The following FSTL5 variants were observed in gnomAD, a reference collection of about 807,000 sequenced individuals.
The protein encoded by FSTL5 is follistatin-related protein 5.
FSTL5 carries 62 observed loss-of-function variants against 89.1 expected under a neutral mutation model. The observed-to-expected ratio is 0.70, with a 90% CI of 0.57 to 0.86. The LOEUF is 0.86. Ranked by LOEUF, FSTL5 falls within the 40% of genes least tolerant of loss-of-function variation. The pLI, the probability that FSTL5 is intolerant of heterozygous loss-of-function variation, is 0.00. For missense variants in FSTL5, 1,057 were observed against 1,001.6 expected (o/e 1.06, Z -0.75); for synonymous variants, 383 against 346.2 (o/e 1.11, Z -1.18).
At chr4:161,669,103 C>T (rs1490554513) in intron 6 of FSTL5, among the ~76,000 whole-genome samples, 2 of 114,672 alleles carry the variant, frequency 1.7e-5, no homozygotes, top group African/African-American at 6.5e-5. Context: ...CAGAGTGAGA[C>T]TCTGTCTCAA....
intron 7 of FSTL5, among the ~76,000 whole-genome samples, chr4:161,614,710 T>C (rs1734777569): frequency 6.6e-6 from 1 of 152,206 alleles, no homozygotes; most frequent in South Asian, 2.1e-4. Flanking sequence ...ATATTCCAAC[T>C]ATCTATGCTG....
intron 6 of FSTL5, among the ~76,000 whole-genome samples, chr4:161,694,354 G>T (rs1304280128): frequency 1.3e-5 from 2 of 152,012 alleles, no homozygotes; most frequent in African/African-American, 4.8e-5. Flanking sequence ...GTTTCCCAGT[G>T]AATGTTGTAT....
At chr4:161,907,051 C>T (rs1038777804) in intron 4 of FSTL5, among the ~76,000 whole-genome samples, 2 of 152,064 alleles carry the variant, frequency 1.3e-5, no homozygotes, top group African/African-American at 4.8e-5. Flanking sequence ...TAAATGTTTC[C>T]ACTTGTTAAA....
intron 4 of FSTL5, among the ~76,000 whole-genome samples, chr4:161,790,292 G>A (rs1237578274): frequency 2.0e-5 from 3 of 152,164 alleles, no homozygotes; most frequent in Admixed American, 6.5e-5. Context: ...AATTAAGAAA[G>A]GTGTCCACCT....
intron 7 of FSTL5, among the ~76,000 whole-genome samples, chr4:161,625,258 G>T (rs192044493): frequency 6.6e-6 from 1 of 151,966 alleles, no homozygotes; most frequent in Non-Finnish European, 1.5e-5. Flanking sequence ...TTTTACAAAC[G>T]AAAAGGTTCT....
At chr4:161,791,964 G>A (rs909297088) in intron 4 of FSTL5, among the ~76,000 whole-genome samples, 1 of 152,180 alleles carries the variant, frequency 6.6e-6, no homozygotes, top group Non-Finnish European at 1.5e-5. Flanking sequence ...AGGAACCAGG[G>A]CCCTTCCAAG....
chr4:162,006,766 T>C (rs1306885206), intron 3 of FSTL5, among the ~76,000 whole-genome samples: 1 of 151,984 alleles, frequency 6.6e-6, no homozygotes, highest in Non-Finnish European at 1.5e-5. Context: ...AAATGGACTC[T>C]ATTCAACATC....
intron 7 of FSTL5, among the ~76,000 whole-genome samples, chr4:161,588,634 T>C (rs1733701641): frequency 6.6e-6 from 1 of 152,128 alleles, no homozygotes; most frequent in African/African-American, 2.4e-5. Context: ...TTTTCAGAAT[T>C]CTGGAAATAG....
At chr4:161,866,184 C>T (rs1190744349) in intron 4 of FSTL5, among the ~76,000 whole-genome samples, 2 of 152,142 alleles carry the variant, frequency 1.3e-5, no homozygotes. Flanking sequence ...ATACAATATT[C>T]CCCAAGATTT....
At chr4:161,982,129 T>A (rs1451928939) in intron 3 of FSTL5, among the ~76,000 whole-genome samples, 1 of 152,194 alleles carries the variant, frequency 6.6e-6, no homozygotes, top group Non-Finnish European at 1.5e-5. Flanking sequence ...AGGGTTAGGC[T>A]ATGATTTTCA....
intron 2 of FSTL5, among the ~76,000 whole-genome samples, chr4:162,090,542 C>T (rs1012982573): frequency 2.0e-5 from 3 of 151,998 alleles, no homozygotes; most frequent in South Asian, 2.1e-4. Context: ...CAATCAAGGC[C>T]GGGTGCGGTG....
In FSTL5 at chr4:161,787,925, C is replaced by A. The variant is rs551159793; in HGVS notation, c.410-11851G>T. On this transcript the variant is annotated intron_variant, in intron 4 of 15. Coordinates refer to ENST00000306100, the MANE Select transcript of FSTL5 (RefSeq NM_020116.5). ...TTTTCTCAAGTCACTTTTGTTGCAA[C>A]TGAAAAGCATACAACTTATGAATAT... Among the ~76,000 whole-genome samples the A allele has an allele frequency of 3.3e-5, 5 of 152,156 alleles. No homozygotes were observed. The East Asian group carries it at 9.6e-4, about 29-fold the overall frequency.
intron 10 of FSTL5, among the ~76,000 whole-genome samples, chr4:161,515,704 T>G (rs2126507754): frequency 6.6e-6 from 1 of 152,108 alleles, no homozygotes; most frequent in East Asian, 1.9e-4. Flanking sequence ...AAAAGTATTA[T>G]GATTTACTTT....
At chr4:161,480,990 T>C (rs1205173425) in intron 13 of FSTL5, 30 bp downstream of exon 13, 1 of 1,491,440 alleles carries the variant, frequency 6.7e-7, no homozygotes, top group East Asian at 2.3e-5. Context: ...TTTAAAGATT[T>C]ACTTTTTAAA....
At chr4:161,971,606 TA>T (rs1208019761) in intron 3 of FSTL5, among the ~76,000 whole-genome samples, 1 of 152,104 alleles carries the variant, frequency 6.6e-6, no homozygotes, top group Non-Finnish European at 1.5e-5. Context: ...CATTCCTGGG[TA>T]AAATATTTAA....
intron 15 of FSTL5, among the ~76,000 whole-genome samples, chr4:161,404,706 TA>T (rs1014393874): frequency 8.6e-4 from 124 of 143,678 alleles, no homozygotes; most frequent in South Asian, 1.1e-3. Context: ...AAAAGTGACT[TA>T]AAAAAAAAAA....
chr4:162,149,654 CA>C (rs1004450498), intron 1 of FSTL5, among the ~76,000 whole-genome samples: 1 of 150,786 alleles, frequency 6.6e-6, no homozygotes, highest in Non-Finnish European at 1.5e-5. Context: ...CCCTGTCTCT[CA>C]AAAAATAAAA....
chr4:161,538,363 GA>G lies in FSTL5; in HGVS notation c.1178-64del, dbSNP rs1194603336. The G allele has an allele frequency of 3.9e-6, 6 of 1,555,716 alleles. No individual in the cohort carries two copies. The Admixed American group carries it at 6.7e-5, about 17-fold the overall frequency. ...TTTCAGTTTTGGAACAGTGCTTTCT[GA>G]TTACACAGTCAAACAGTTCTCTTGG... On this transcript the variant is annotated intron_variant, in intron 9 of 15. Coordinates refer to ENST00000306100, the MANE Select transcript of FSTL5 (RefSeq NM_020116.5).
chr4:162,019,737 T>C (rs1036866079), intron 3 of FSTL5, among the ~76,000 whole-genome samples: 1 of 145,308 alleles, frequency 6.9e-6, no homozygotes, highest in Non-Finnish European at 1.5e-5. Flanking sequence ...ATAAACTGGT[T>C]CTCTCTCTCT....
Sources: allele counts gnomAD v4.1 joint callset (sites outside exome capture counted in the v4.1 genomes callset), GRCh38; gene constraint gnomAD v4.1.1; transcripts MANE v1.5; gene names NCBI Gene and HGNC (gene_info 2026-07-23, HGNC 2026-07-21).